The following AVIL variants were observed in gnomAD, a reference collection of about 807,000 sequenced individuals.
The protein encoded by AVIL is advillin.
A neutral mutation model predicts 109.9 loss-of-function variants in AVIL; 78 were observed. That is an observed-to-expected ratio of 0.71 (90% CI 0.59 to 0.86). The LOEUF (loss-of-function observed/expected upper bound fraction) is 0.86, where lower values mean the gene tolerates loss of function less well. Among genes scored for constraint, AVIL ranks in the 40% least tolerant of loss-of-function variants. The probability of loss-of-function intolerance (pLI) is 0.00; values close to 1 mark genes in which losing one functional copy is unlikely to be tolerated. For missense variants in AVIL, 892 were observed against 1,016.5 expected (o/e 0.88, Z 1.67); for synonymous variants, 367 against 379.1 (o/e 0.97, Z 0.37).
chr12:57,813,540 T>C, intron 3 of AVIL, 117 bp from the exon 4 acceptor site: 1 of 996,132 alleles, frequency 1.0e-6, no homozygotes, highest in Non-Finnish European at 1.5e-6. Flanking sequence ...GAGGGCCCTC[T>C]CTCCTGCAGT....
Position 57,808,445 on chromosome 12 carries a change from A to G in AVIL, c.1043T>C (p.Val348Ala). ...MFKQLFQKWS[V>A]KDQTMGLGKT... ...CCCCAGGCCCATGGTCTGGTCCTTT[A>G]CTGACCACTTCTGGAACAGCTGCTT... The change falls in exon 10 of 20, where the codon GTA becomes GCA. Residue 348 changes from valine to alanine, a missense_variant. Coordinates refer to ENST00000549994, the MANE Select transcript of AVIL (RefSeq NM_006576.4). 6.2e-7 allele frequency: 1 copy of G among 1,614,032 alleles called. No individual in the cohort carries two copies.
intron 3 of AVIL, among the ~76,000 whole-genome samples, chr12:57,813,824 T>G (rs75127925): frequency 0.02 from 2,982 of 152,312 alleles, 91 homozygotes; most frequent in African/African-American, 0.068. Flanking sequence ...GAATAGCACT[T>G]TGAGGCTAGA....
At position 57,813,407 on chromosome 12, in the gene AVIL, C is replaced by CT. The variant is rs778117110; in HGVS notation, c.157dup (p.Ser53LysfsTer19). 1.9e-6 allele frequency: 3 copies of CT among 1,613,880 alleles called. No individual in the cohort carries two copies. In the Admixed American group the frequency reaches 5.0e-5, roughly 27 times the overall value. On this transcript the variant is annotated frameshift_variant, in exon 4 of 20. Transcript: ENST00000549994. LOFTEE classifies it high-confidence loss of function. ...GAAGTGGATGTCCTGGGATAGGAGA[C>CT]TGGCCACTCTCCGGGTCTGGGAGGT... is the stretch of plus-strand genomic sequence containing the variant.
Position 57,803,628 on chromosome 12 carries a change from G to A in AVIL, c.1713C>T (p.Ala571=), listed in dbSNP as rs1955894156. 1.2e-6 allele frequency: 2 copies of A among 1,614,046 alleles called. No individual in the cohort carries two copies. Among genetic ancestry groups the A allele is most frequent in the Admixed American group, 1.7e-5 (1 of 59,996 alleles). ...TCTCGCTGCCATCACAGAGAAGGCT[G>A]GCCAGCTCCTTAGCCATTGCCCGCT... The part of the protein sequence containing the change: ...GDERAMAKEL[A]SLLCDGSENT... The change falls in exon 15 of 20, where the codon GCC becomes GCT. Residue 571 remains alanine, a synonymous_variant. Transcript: ENST00000549994.
At chr12:57,807,998 G>A in intron 11 of AVIL, 196 bp downstream of exon 11, 1 of 792,752 alleles carries the variant, frequency 1.3e-6, no homozygotes, top group Non-Finnish European at 2.2e-6. Context: ...GTGAGATATT[G>A]ATAGCACATT....
chr12:57,813,166 T>A, intron 4 of AVIL, 61 bp downstream of exon 4: 2 of 1,525,230 alleles, frequency 1.3e-6, no homozygotes, highest in Non-Finnish European at 1.8e-6. Context: ...CATGTTGGCC[T>A]TTTGGGTTTC....
chr12:57,809,808 TTACA>T lies in AVIL; in HGVS notation c.840_840+3del, dbSNP rs753101583. The T allele has an allele frequency of 1.2e-6, 2 of 1,614,076 alleles. No individual in the cohort carries two copies. The highest frequency in any genetic ancestry group is 1.3e-5 in the African/African-American group (1 of 74,924). On this transcript the variant is annotated splice_donor_variant and splice_donor_region_variant and coding_sequence_variant and intron_variant, in exon 8 of 20. Coordinates refer to ENST00000549994, the MANE Select transcript of AVIL (RefSeq NM_006576.4). LOFTEE classifies it high-confidence loss of function. ...CAAGCTAAGTCCACCCAAACTCTAC[TTACA>T]TCATGGTTCAGTAAGTCCTGGACCA...
In AVIL at chr12:57,807,795, A is replaced by G. The variant is rs192643434; in HGVS notation, c.1195-68T>C. The G allele has an allele frequency of 3.6e-3, 5,742 of 1,600,704 alleles. 17 individuals are homozygous for G. The highest frequency in any genetic ancestry group is 3.9e-3 in the Admixed American group (233 of 60,000). On this transcript the variant is annotated intron_variant, in intron 11 of 19. Transcript: ENST00000549994. ...TGAGAGGGGCTAGGCCACACTAAAG[A>G]GAGAATCCAGGTGGGAAAGGTGCTG...
intron 16 of AVIL, 61 bp from the exon 17 acceptor site, chr12:57,802,409 C>G (rs936524758): frequency 6.0e-6 from 9 of 1,510,666 alleles, no homozygotes. Context: ...AGTACTAGAT[C>G]ATACACATTA....
At position 57,816,032 on chromosome 12, in the gene AVIL, C is replaced by G; in HGVS notation, c.9G>C (p.Leu3=). ...TGTCCACAGCCCTGAAGGCACTGGT[C>G]AGAGGCATGATGCTTGTCTTTCCAG... MP[L]TSAFRAVDND... Residue 3 remains leucine, a synonymous_variant, in exon 2 of 20, where the codon CTG becomes CTC. Coordinates refer to ENST00000549994, the MANE Select transcript of AVIL (RefSeq NM_006576.4). 1 of 1,613,310 alleles carries G rather than the reference C, an allele frequency of 6.2e-7. No homozygotes were observed. The highest frequency in any genetic ancestry group is 8.5e-7 in the Non-Finnish European group (1 of 1,179,730).
Position 57,797,751 on chromosome 12 carries a change from G to A in AVIL, c.*131C>T. The stretch of plus-strand genomic sequence containing the variant: ...TGAGAAAAAATGGAGAACATGCCGT[G>A]ATTTGCAGACTCTATTATATCTAAA... On this transcript the variant is annotated 3_prime_UTR_variant, in exon 20 of 20. Coordinates refer to ENST00000549994, the MANE Select transcript of AVIL (RefSeq NM_006576.4). 1.3e-6 allele frequency: 1 copy of A among 754,754 alleles called. No individual in the cohort carries two copies. Among genetic ancestry groups the A allele is most frequent in the South Asian group, 3.5e-5 (1 of 28,452 alleles). The allele number at this position is 754,754 out of a possible 1,614,324, so 46.8% of individuals were successfully genotyped here. A position where few individuals can be genotyped will look rare whatever the true frequency, so the allele number is the denominator to read the frequency against.
intron 19 of AVIL, 83 bp from the exon 20 acceptor site, chr12:57,798,078 G>T: frequency 1.0e-6 from 1 of 966,140 alleles, no homozygotes. Context: ...GAGCAAGAGG[G>T]AGTTCTAGGT....
chr12:57,803,806 A>G, intron 14 of AVIL, 137 bp from the exon 15 acceptor site: 1 of 1,242,388 alleles, frequency 8.0e-7, no homozygotes, highest in East Asian at 2.5e-5. Flanking sequence ...GGGAAGACAG[A>G]CAAGTTTGTT....
chr12:57,798,317 A>G (rs1955777023), intron 19 of AVIL, among the ~76,000 whole-genome samples: 1 of 152,234 alleles, frequency 6.6e-6, no homozygotes. Context: ...TGGCAGAATG[A>G]AGAACTAAAT....
At chr12:57,803,009 G>A (rs1183415764) in intron 16 of AVIL, among the ~76,000 whole-genome samples, 1 of 152,130 alleles carries the variant, frequency 6.6e-6, no homozygotes, top group Non-Finnish European at 1.5e-5. Flanking sequence ...AGGATGGCTG[G>A]ATTTTTCCAA....
intron 19 of AVIL, among the ~76,000 whole-genome samples, chr12:57,798,653 G>A (rs1435783861): frequency 5.0e-5 from 7 of 141,214 alleles, no homozygotes; most frequent in South Asian, 4.5e-4. Context: ...TTCTTGCTTT[G>A]TGGCCCAGGC....
rs1955965137 is a variant in AVIL at position 57,807,420 on chromosome 12, C to CA, written c.1401dup (p.Asp468Ter). ...ACTCGAACCTGCACAGCAGCCCCAT[C>CA]AAACTGCCGATCCACCTCCACTGCC... On this transcript the variant is annotated frameshift_variant, in exon 13 of 20. Transcript: ENST00000549994. LOFTEE classifies it high-confidence loss of function. 1 of 1,614,144 alleles carries CA rather than the reference C, an allele frequency of 6.2e-7. No homozygotes were observed. The highest frequency in any genetic ancestry group is 1.1e-5 in the South Asian group (1 of 91,094).
At chr12:57,802,098 C>T in intron 17 of AVIL, 62 bp downstream of exon 17, 1 of 1,555,784 alleles carries the variant, frequency 6.4e-7, no homozygotes, top group Non-Finnish European at 8.8e-7. Flanking sequence ...CACCTTCCTG[C>T]CCACTGAGCT....
intron 13 of AVIL, among the ~76,000 whole-genome samples, chr12:57,806,763 T>G (rs1955954665): frequency 6.6e-6 from 1 of 152,242 alleles, no homozygotes; most frequent in Admixed American, 6.5e-5. Flanking sequence ...GGTGCTTACC[T>G]ACATCATTTC....
Sources: allele counts gnomAD v4.1 joint callset (sites outside exome capture counted in the v4.1 genomes callset), GRCh38; gene constraint gnomAD v4.1.1; transcripts MANE v1.5; gene names NCBI Gene and HGNC (gene_info 2026-07-23, HGNC 2026-07-21).